CDH23: variants seen among roughly 807,000 people sequenced by gnomAD.
CDH23 encodes cadherin related 23, also known as cadherin-23.
Under a neutral mutation model 317.1 loss-of-function variants are expected in CDH23, and 189 were observed. That is an observed-to-expected ratio of 0.60 (90% CI 0.53 to 0.67). The LOEUF is 0.67. Among genes scored for constraint, CDH23 ranks in the 30% least tolerant of loss-of-function variants. The probability of loss-of-function intolerance (pLI) is 0.00; values close to 1 mark genes in which losing one functional copy is unlikely to be tolerated. For synonymous variants in CDH23, 1,839 were observed against 1,876.8 expected (o/e 0.98, Z 0.52); for missense variants, 4,401 against 4,592.4 (o/e 0.96, Z 1.20).
chr10:71,438,619 C>T (rs1166781028), intron 1 of CDH23, among the ~76,000 whole-genome samples: 1 of 152,158 alleles, frequency 6.6e-6, no homozygotes, highest in Non-Finnish European at 1.5e-5. Flanking sequence ...CTTAATCCCT[C>T]ACCCCTATAT....
Position 71,793,172 on chromosome 10 carries a change from T to C in CDH23, c.6254-10T>C. ...CTGTGCGCAGCTACTCCCTTTTCCC[T>C]CTCCAACAGGATTCTCAGTCCTTCA... On this transcript the variant is annotated splice_polypyrimidine_tract_variant and intron_variant, in intron 47 of 69. Coordinates refer to ENST00000224721, the MANE Select transcript of CDH23 (RefSeq NM_022124.6). 1 of 1,603,460 alleles carries C rather than the reference T, an allele frequency of 6.2e-7. No homozygotes were observed.
chr10:71,544,727 C>A (rs1003148718), intron 6 of CDH23, among the ~76,000 whole-genome samples: 3 of 152,212 alleles, frequency 2.0e-5, no homozygotes, highest in Middle Eastern at 3.2e-3. Context: ...CAGACAAGAC[C>A]CACGAGGCAA....
chr10:71,702,257 G>A (rs933061130), intron 23 of CDH23, 46 bp downstream of exon 23: 35 of 1,583,396 alleles, frequency 2.2e-5, no homozygotes, highest in Non-Finnish European at 2.8e-5. Flanking sequence ...CTTAGGCTGC[G>A]GGTGTCCCTG....
chr10:71,599,075 C>A (rs1165859101), intron 9 of CDH23, among the ~76,000 whole-genome samples: 4 of 152,156 alleles, frequency 2.6e-5, no homozygotes, highest in African/African-American at 9.7e-5. Context: ...GAAGCAGGGC[C>A]AAGTTCACTG....
At chr10:71,578,807 T>C (rs1858422583) in intron 9 of CDH23, among the ~76,000 whole-genome samples, 2 of 152,184 alleles carry the variant, frequency 1.3e-5, no homozygotes, top group South Asian at 4.1e-4. Context: ...GCCAGGTTGA[T>C]GGCCGAAAGG....
intron 3 of CDH23, among the ~76,000 whole-genome samples, chr10:71,451,167 T>A (rs573911975): frequency 6.6e-6 from 1 of 151,934 alleles, no homozygotes; most frequent in African/African-American, 2.4e-5. Context: ...CATCCCAGAA[T>A]CTTCTCACCT....
At chr10:71,678,259 G>A (rs899253349) in intron 16 of CDH23, among the ~76,000 whole-genome samples, 33 of 152,118 alleles carry the variant, frequency 2.2e-4, no homozygotes, top group African/African-American at 7.7e-4. Context: ...AGGAAGTGCT[G>A]CAGCTGGAAG....
chr10:71,773,377 G>A (rs937000626), intron 38 of CDH23: 2 of 1,609,746 alleles, frequency 1.2e-6, no homozygotes, highest in Admixed American at 1.7e-5. Flanking sequence ...CAGCCAGGAA[G>A]AGAGCGAAGA....
At chr10:71,724,358 T>C (rs1337835676) in intron 29 of CDH23, among the ~76,000 whole-genome samples, 1 of 152,206 alleles carries the variant, frequency 6.6e-6, no homozygotes, top group African/African-American at 2.4e-5. Flanking sequence ...AGTGGCGTGA[T>C]CTCGGCCTAC....
intron 9 of CDH23, among the ~76,000 whole-genome samples, chr10:71,597,910 A>G (rs1015342056): frequency 4.6e-5 from 7 of 151,544 alleles, no homozygotes; most frequent in African/African-American, 1.7e-4. Flanking sequence ...CCCCACCCCC[A>G]CCCTCAAAGG....
At chr10:71,440,456 G>T in intron 2 of CDH23, among the ~76,000 whole-genome samples, 1 of 134,314 alleles carries the variant, frequency 7.4e-6, no homozygotes, top group South Asian at 2.4e-4. Context: ...GGCCTGAGGG[G>T]ACAGGAGAAA....
chr10:71,506,579 C>A (rs10999854), intron 3 of CDH23, among the ~76,000 whole-genome samples: 2 of 151,820 alleles, frequency 1.3e-5, no homozygotes, highest in African/African-American at 4.8e-5. Context: ...ACCCCAGAGA[C>A]TGGCCTCACT....
rs752615081 is a variant in CDH23 at position 71,615,553 on chromosome 10, C to G, written c.882C>G (p.Thr294=). 8.7e-6 allele frequency: 14 copies of G among 1,613,844 alleles called. No homozygotes were observed. The highest frequency in any genetic ancestry group is 3.3e-5 in the Admixed American group (2 of 59,998). Residue 294 remains threonine (T), a synonymous_variant, in exon 10 of 70, where the codon ACC becomes ACG. Coordinates refer to ENST00000224721, the MANE Select transcript of CDH23 (RefSeq NM_022124.6). ...TGGACTACATCAGCGGAGTGCTGACCTTGAATGGCCTGCTGGACCGGGAGA... is the reference window on the plus strand; with the variant it reads ...TGGACTACATCAGCGGAGTGCTGACGTTGAATGGCCTGCTGGACCGGGAGA... ...FALDYISGVL[T]LNGLLDRENP... is the part of the protein sequence containing the mutation.
At position 71,797,188 on chromosome 10, in the gene CDH23, A is replaced by G. The variant is rs1329889328; in HGVS notation, c.6797A>G (p.Asp2266Gly). 1 of 1,613,312 alleles carries G rather than the reference A, an allele frequency of 6.2e-7. No individual in the cohort carries two copies. The highest frequency in any genetic ancestry group is 1.1e-5 in the South Asian group (1 of 90,896). The change falls in exon 49 of 70, where the codon GAC becomes GGC. Residue 2266 changes from aspartate (D) to glycine (G), a missense_variant. By Grantham distance (94) the Asp-to-Gly change is moderately conservative. Around this residue, in one of 3 missense-constraint regions of CDH23, gnomAD observed 3,068 missense variants for 3,203.3 expected, o/e 0.96. Coordinates refer to ENST00000224721, the MANE Select transcript of CDH23 (RefSeq NM_022124.6). ...CTCTCAGTGATTGACAATGCCAGCGACCTACCAGAGCGCTCTGTCAGTGTG... is the reference window on the plus strand; with the variant it reads ...CTCTCAGTGATTGACAATGCCAGCGGCCTACCAGAGCGCTCTGTCAGTGTG... ...VTLSVIDNAS[D>G]LPERSVSVPN...
At position 71,697,449 on chromosome 10, in the gene CDH23, G is replaced by T. The variant is rs137982530; in HGVS notation, c.2397+1924G>T. Among the ~76,000 whole-genome samples the T allele has an allele frequency of 6.1e-3, 933 of 152,274 alleles. 6 individuals are homozygous for T. The highest frequency in any genetic ancestry group is 0.021 in the African/African-American group (872 of 41,558). On this transcript the variant is annotated intron_variant, in intron 22 of 69. Coordinates refer to ENST00000224721, the MANE Select transcript of CDH23 (RefSeq NM_022124.6). ...TTTGGGAGGCCAAGGCAGGCAGATCGCTTGAGCCCAGGAGTTTGAGACCAG... is the reference window on the plus strand; with the variant it reads ...TTTGGGAGGCCAAGGCAGGCAGATCTCTTGAGCCCAGGAGTTTGAGACCAG...
In CDH23 at chr10:71,455,025, G is replaced by A. The variant is rs1431173554; in HGVS notation, c.145+8630G>A. 4.0e-5 allele frequency among the ~76,000 whole-genome samples: 6 copies of A among 151,882 alleles called. No homozygotes were observed. In the East Asian group the frequency reaches 1.2e-3, roughly 29 times the overall value. On this transcript the variant is annotated intron_variant, in intron 3 of 69. Transcript: ENST00000224721. ...GCTAATTTTTAATTTTTGTGTGTGTGAGATAGGAGTCTTGCTATGTTGCCC... is the reference window on the plus strand; with the variant it reads ...GCTAATTTTTAATTTTTGTGTGTGTAAGATAGGAGTCTTGCTATGTTGCCC...
At chr10:71,538,352 A>G (rs1298006577) in intron 6 of CDH23, among the ~76,000 whole-genome samples, 1 of 152,134 alleles carries the variant, frequency 6.6e-6, no homozygotes, top group East Asian at 1.9e-4. Context: ...CATGGCCACC[A>G]TCAACCTCCC....
intron 1 of CDH23, among the ~76,000 whole-genome samples, chr10:71,434,348 C>T (rs912280873): frequency 1.3e-5 from 2 of 152,218 alleles, no homozygotes; most frequent in African/African-American, 4.8e-5. Flanking sequence ...CCCCAGGGTG[C>T]GGGCTTTACC....
At chr10:71,490,055 G>A (rs1852570256) in intron 3 of CDH23, among the ~76,000 whole-genome samples, 1 of 152,030 alleles carries the variant, frequency 6.6e-6, no homozygotes, top group African/African-American at 2.4e-5. Flanking sequence ...CCTATGCTGG[G>A]TGGGGCAAGA....
Sources: gnomAD v4.1 joint callset for allele counts (sites outside exome capture counted in the v4.1 genomes callset) on GRCh38, gnomAD v4.1.1 for gene constraint, gnomAD v4.1.1 regional missense constraint, MANE v1.5 for transcripts, NCBI Gene and HGNC (gene_info 2026-07-23, HGNC 2026-07-21) for gene names.